AUH: variants seen among roughly 807,000 people sequenced by gnomAD.
AUH encodes the protein AU RNA binding methylglutaconyl-CoA hydratase, also known as methylglutaconyl-CoA hydratase, mitochondrial.
Under a neutral mutation model 42.3 loss-of-function variants are expected in AUH, and 29 were observed. The observed-to-expected ratio is 0.69, with a 90% CI of 0.51 to 0.93. The LOEUF (loss-of-function observed/expected upper bound fraction) is 0.93, where lower values mean the gene tolerates loss of function less well. AUH is among the 40% of genes least tolerant of loss of function. The pLI, the probability that AUH is intolerant of heterozygous loss-of-function variation, is 0.00. For missense variants in AUH, 452 were observed against 438.1 expected (o/e 1.03, Z -0.28); for synonymous variants, 174 against 166.4 (o/e 1.05, Z -0.35).
intron 7 of AUH, 127 bp downstream of exon 7, chr9:91,220,678 C>T: frequency 1.1e-6 from 1 of 910,558 alleles, no homozygotes; most frequent in Non-Finnish European, 1.7e-6. Context: ...TTTTACAGAG[C>T]CCACGCATCC....
At chr9:91,336,781 A>G (rs1830726605) in intron 3 of AUH, among the ~76,000 whole-genome samples, 1 of 152,134 alleles carries the variant, frequency 6.6e-6, no homozygotes, top group Non-Finnish European at 1.5e-5. Context: ...CTAGCAGATC[A>G]TCATTACTAT....
rs1404162444 is a variant in AUH, at chr9:91,214,346, T to C, written c.*2A>G. Reference sequence around the variant, plus strand: ...TTGGCATCTTAAGAATTTCTGTTCCTTTTATTCTCCTTTATAGCGAGGGGG... The same window carrying C: ...TTGGCATCTTAAGAATTTCTGTTCCCTTTATTCTCCTTTATAGCGAGGGGG... On this transcript the variant is annotated 3_prime_UTR_variant, in exon 10 of 10. Transcript: ENST00000375731. 2 of 1,603,674 alleles carry C rather than the reference T, an allele frequency of 1.2e-6. No individual in the cohort carries two copies. The highest frequency in any genetic ancestry group is 3.4e-5 in the Admixed American group (2 of 59,604).
At chr9:91,351,760 C>A (rs1034691326) in intron 3 of AUH, among the ~76,000 whole-genome samples, 7 of 152,198 alleles carry the variant, frequency 4.6e-5, no homozygotes, top group African/African-American at 1.7e-4. Flanking sequence ...ATCTAGGTTG[C>A]ACGCTCCTTA....
intron 3 of AUH, among the ~76,000 whole-genome samples, chr9:91,337,225 GAATT>G (rs1012964437): frequency 9.9e-5 from 15 of 152,128 alleles, no homozygotes; most frequent in African/African-American, 3.6e-4. Context: ...TTAAATACAT[GAATT>G]AATTAATGAA....
intron 6 of AUH, among the ~76,000 whole-genome samples, chr9:91,259,649 A>C (rs1403018225): frequency 2.0e-5 from 3 of 152,162 alleles, no homozygotes; most frequent in African/African-American, 7.2e-5. Flanking sequence ...AAATTCAAAA[A>C]TACATTCAAA....
chr9:91,357,823 G>A lies in AUH; in HGVS notation c.263-1668C>T, dbSNP rs188040453. Among the ~76,000 whole-genome samples the A allele has an allele frequency of 4.3e-4, 66 of 152,344 alleles. 1 individual carries two copies. The East Asian group carries it at 0.012, about 28-fold the overall frequency. On this transcript the variant is annotated intron_variant, in intron 1 of 9. Coordinates refer to ENST00000375731, the MANE Select transcript of AUH (RefSeq NM_001698.3). The stretch of plus-strand genomic sequence containing the variant: ...CCTGTAACCTACGAGGGGGAGAAGA[G>A]AGTGACCAATGAAAGTAAAGAGGTC...
intron 1 of AUH, among the ~76,000 whole-genome samples, chr9:91,360,695 T>C (rs1390281836): frequency 6.6e-6 from 1 of 152,188 alleles, no homozygotes; most frequent in Non-Finnish European, 1.5e-5. Flanking sequence ...CCCTTTCCTC[T>C]TACCATGCCT....
At chr9:91,327,910 T>C (rs1301766535) in intron 3 of AUH, among the ~76,000 whole-genome samples, 1 of 152,154 alleles carries the variant, frequency 6.6e-6, no homozygotes, top group Admixed American at 6.5e-5. Flanking sequence ...GTGCCTGACA[T>C]GGAAGTCATT....
At chr9:91,339,649 A>G (rs1830956389) in intron 3 of AUH, among the ~76,000 whole-genome samples, 1 of 152,216 alleles carries the variant, frequency 6.6e-6, no homozygotes, top group Non-Finnish European at 1.5e-5. Flanking sequence ...TGTAACAGTG[A>G]GCACATGTTG....
At chr9:91,252,124 G>A (rs1829163120) in intron 6 of AUH, among the ~76,000 whole-genome samples, 1 of 151,920 alleles carries the variant, frequency 6.6e-6, no homozygotes, top group African/African-American at 2.4e-5. Flanking sequence ...CCGCCACCAT[G>A]CCCAGCTAAT....
intron 6 of AUH, 31 bp from the exon 7 acceptor site, chr9:91,221,023 G>A: frequency 6.2e-7 from 1 of 1,608,730 alleles, no homozygotes; most frequent in Non-Finnish European, 8.5e-7. Flanking sequence ...AAAAGGCAAT[G>A]ATTTGACACC....
At chr9:91,269,943 A>C (rs911800759) in intron 6 of AUH, among the ~76,000 whole-genome samples, 1 of 152,272 alleles carries the variant, frequency 6.6e-6, no homozygotes, top group Non-Finnish European at 1.5e-5. Flanking sequence ...CAAAGTGTTT[A>C]CCTGGCTGGG....
At chr9:91,312,746 A>C (rs987230650) in intron 4 of AUH, among the ~76,000 whole-genome samples, 1 of 152,166 alleles carries the variant, frequency 6.6e-6, no homozygotes, top group African/African-American at 2.4e-5. Context: ...CAAACAAAAA[A>C]AAATTCCTGA....
At chr9:91,330,622 C>T (rs768541933) in intron 3 of AUH, among the ~76,000 whole-genome samples, 1 of 152,138 alleles carries the variant, frequency 6.6e-6, no homozygotes, top group Non-Finnish European at 1.5e-5. Flanking sequence ...TACTAAAAGA[C>T]ATGTACAAGC....
Position 91,216,082 on chromosome 9 carries a change from T to C in AUH, c.919A>G (p.Ile307Val). 1.9e-6 allele frequency: 3 copies of C among 1,613,226 alleles called. No individual in the cohort carries two copies. Among genetic ancestry groups the C allele is most frequent in the Non-Finnish European group, 2.5e-6 (3 of 1,179,416 alleles). ...ACCTGAGCATAACAAGCTTCTTCTA[T>C]GGCTAACCCTGTTACTAAATCGACC... ...MEVDLVTGLAIEEACYAQTIP... is the reference protein window; with the variant it reads ...MEVDLVTGLAVEEACYAQTIP... Residue 307 changes from isoleucine (I) to valine (V), a missense_variant, in exon 9 of 10, where the codon ATA becomes GTA. Ile to Val is a conservative substitution (Grantham distance 29). Transcript: ENST00000375731.
At chr9:91,353,940 G>A (rs1345021371) in intron 3 of AUH, among the ~76,000 whole-genome samples, 1 of 151,830 alleles carries the variant, frequency 6.6e-6, no homozygotes, top group Non-Finnish European at 1.5e-5. Flanking sequence ...GCCGAGGCAG[G>A]TGGATCACCT....
chr9:91,229,246 G>A (rs1827717825), intron 6 of AUH, among the ~76,000 whole-genome samples: 1 of 147,536 alleles, frequency 6.8e-6, no homozygotes, highest in Non-Finnish European at 1.5e-5. Flanking sequence ...TCCTGTATTG[G>A]GTGCATATAT....
intron 3 of AUH, among the ~76,000 whole-genome samples, chr9:91,338,603 G>T (rs529502134): frequency 6.6e-6 from 1 of 152,276 alleles, no homozygotes; most frequent in South Asian, 2.1e-4. Context: ...GCTAATTTTT[G>T]TATTTTTAGT....
intron 6 of AUH, among the ~76,000 whole-genome samples, chr9:91,280,712 A>G (rs1010748289): frequency 6.6e-6 from 1 of 152,186 alleles, no homozygotes; most frequent in African/African-American, 2.4e-5. Context: ...ACGCATTCAA[A>G]TATACACACT....
Sources: gnomAD v4.1 joint callset for allele counts (sites outside exome capture counted in the v4.1 genomes callset) on GRCh38, gnomAD v4.1.1 for gene constraint, MANE v1.5 for transcripts, NCBI Gene and HGNC (gene_info 2026-07-23, HGNC 2026-07-21) for gene names.